The following PCNT variants were observed in gnomAD, a reference collection of about 807,000 sequenced individuals.
The protein encoded by PCNT is kendrin.
In PCNT, 319 loss-of-function variants were observed where a neutral mutation model predicts 380.4. The ratio of observed to expected loss-of-function variants is 0.84; its 90% CI spans 0.77 to 0.92. The LOEUF (loss-of-function observed/expected upper bound fraction) is 0.92. Ranked by LOEUF, PCNT falls within the 40% of genes least tolerant of loss-of-function variation. The pLI is 0.00. For synonymous variants in PCNT, 1,845 were observed against 1,735.2 expected (o/e 1.06, Z -1.57); for missense variants, 4,400 against 4,255.3 (o/e 1.03, Z -0.95).
intron 11 of PCNT, among the ~76,000 whole-genome samples, chr21:46,354,974 C>T (rs2084418943): frequency 1.3e-5 from 2 of 152,328 alleles, no homozygotes; most frequent in South Asian, 4.1e-4. Flanking sequence ...TGGGTAGCCC[C>T]ACCAGGCATT....
intron 21 of PCNT, among the ~76,000 whole-genome samples, chr21:46,392,191 C>T (rs2086056430): frequency 6.6e-6 from 1 of 151,906 alleles, no homozygotes; most frequent in South Asian, 2.1e-4. Flanking sequence ...TGCCCTTGTT[C>T]GTGTGATTCC....
chr21:46,422,311 C>G (rs965824451), intron 32 of PCNT, among the ~76,000 whole-genome samples, 187 bp downstream of exon 32: 1 of 152,200 alleles, frequency 6.6e-6, no homozygotes, highest in African/African-American at 2.4e-5. Flanking sequence ...GCCCACCCAG[C>G]CCTGCACTGG....
chr21:46,353,837 C>T, intron 10 of PCNT, 150 bp from the exon 11 acceptor site: 2 of 707,194 alleles, frequency 2.8e-6, no homozygotes, highest in Non-Finnish European at 5.1e-6. Flanking sequence ...TTTGTGACTG[C>T]CACGGCTCCC....
At chr21:46,394,312 C>T (rs1373266942) in intron 21 of PCNT, among the ~76,000 whole-genome samples, 1 of 152,194 alleles carries the variant, frequency 6.6e-6, no homozygotes, top group Non-Finnish European at 1.5e-5. Flanking sequence ...TCTTTGTCTC[C>T]TTGAAAAGTT....
intron 27 of PCNT, among the ~76,000 whole-genome samples, chr21:46,403,538 A>G (rs1470271865): frequency 8.5e-6 from 1 of 117,706 alleles, no homozygotes; most frequent in African/African-American, 3.3e-5. Flanking sequence ...CGGTGAATGA[A>G]CACAGCGTGG....
Position 46,430,241 on chromosome 21 carries a change from G to C in PCNT, c.7913+9G>C, listed in dbSNP as rs1023160. On this transcript the variant is annotated intron_variant, in intron 36 of 46. Coordinates refer to ENST00000359568, the MANE Select transcript of PCNT (RefSeq NM_006031.6). Reference sequence around the variant, plus strand: ...GAGGTCCTCCAGCTGAGGTGCGCCTGATCCCCCTTCCTGGGACACTGGCGG... The same window carrying C: ...GAGGTCCTCCAGCTGAGGTGCGCCTCATCCCCCTTCCTGGGACACTGGCGG... The C allele has an allele frequency of 0.091, 146,035 of 1,608,684 alleles. 12,242 individuals carry two copies. Among genetic ancestry groups the C allele is most frequent in the African/African-American group, 0.45 (33,608 of 74,776 alleles).
rs1555954604 is a variant in PCNT, at chr21:46,353,751, TGA to T, written c.1680-229_1680-228del. Reference sequence around the variant, plus strand: ...GTGTGTGTGTGTGTGTGTGTGTGTGTGAGAGAGACAGAGAGAGAGTCAGTGGC... The same window carrying T: ...GTGTGTGTGTGTGTGTGTGTGTGTGTGAGAGACAGAGAGAGAGTCAGTGGC... On this transcript the variant is annotated intron_variant, in intron 10 of 46. Transcript: ENST00000359568. Among the ~76,000 whole-genome samples, 7,112 of 104,348 alleles carry T rather than the reference TGA, an allele frequency of 0.068. 195 individuals carry two copies. The highest frequency in any genetic ancestry group is 0.09 in the Middle Eastern group (18 of 200). 68.5% of individuals were successfully genotyped at this position (104,348 alleles called of 152,430 possible). A position where few individuals can be genotyped will look rare whatever the true frequency, so the allele number is the denominator to read the frequency against.
rs2053725711 is a variant in PCNT at position 46,445,318 on chromosome 21, T to A, written c.10002T>A (p.Ile3334=). Residue 3334 remains isoleucine, a synonymous_variant, in exon 47 of 47, where the codon ATT becomes ATA. Transcript: ENST00000359568. ...CAAAGAAATCCTGCCACCCGATGAT[T>A]AAACAGTGAATAAAATGTCATGGCT... ...STSKKSCHPM[I]KQ 3 of 1,605,972 alleles carry A rather than the reference T, an allele frequency of 1.9e-6. No homozygotes were observed. Among genetic ancestry groups the A allele is most frequent in the Non-Finnish European group, 2.6e-6 (3 of 1,172,504 alleles).
chr21:46,411,664 A>G lies in PCNT; in HGVS notation c.5591A>G (p.Lys1864Arg). 6.2e-7 allele frequency: 1 copy of G among 1,613,014 alleles called. No individual in the cohort carries two copies. The highest frequency in any genetic ancestry group is 2.2e-5 in the East Asian group (1 of 44,874). The change falls in exon 28 of 47, where the codon AAA (lysine) becomes AGA (arginine). Residue 1864 changes from lysine to arginine, a missense_variant. Coordinates refer to ENST00000359568, the MANE Select transcript of PCNT (RefSeq NM_006031.6). Reference protein sequence around the residue: ...SRIQEFEAALKAKEATIAERN... With the variant: ...SRIQEFEAALRAKEATIAERN... ...ATCCAGGAGTTCGAAGCGGCCCTGA[A>G]AGCAAAGGAAGCGACGATTGCCGAG...
intron 14 of PCNT, among the ~76,000 whole-genome samples, chr21:46,366,205 G>A (rs2084923894): frequency 6.6e-6 from 1 of 152,218 alleles, no homozygotes; most frequent in African/African-American, 2.4e-5. Flanking sequence ...AGATTACCTT[G>A]GGATTCTTGG....
rs1187060375 is a variant in PCNT, at chr21:46,443,806, G to A, written c.9701-4G>A. 1.9e-6 allele frequency: 3 copies of A among 1,613,624 alleles called. No homozygotes were observed. Among genetic ancestry groups the A allele is most frequent in the Admixed American group, 1.7e-5 (1 of 60,000 alleles). On this transcript the variant is annotated splice_polypyrimidine_tract_variant and splice_region_variant and intron_variant, in intron 44 of 46. Transcript: ENST00000359568. ...CCCTTGGTTGTTAAATAATTCTGGG[G>A]AAGGGCCCCGAGCACGACAGCCGCA... is the stretch of plus-strand genomic sequence containing the variant.
At chr21:46,359,107 C>T (rs185128804) in intron 13 of PCNT, among the ~76,000 whole-genome samples, 1 of 152,046 alleles carries the variant, frequency 6.6e-6, no homozygotes, top group Non-Finnish European at 1.5e-5. Context: ...CGCACCCAAC[C>T]ATGCCCAGCT....
intron 24 of PCNT, among the ~76,000 whole-genome samples, 166 bp downstream of exon 24, chr21:46,398,421 A>T (rs1030648696): frequency 4.6e-5 from 7 of 152,222 alleles, no homozygotes; most frequent in Non-Finnish European, 1.0e-4. Context: ...TTATTTTTTT[A>T]AAAAATTAAT....
chr21:46,423,742 AGAGGGGAG>A (rs2087359297), intron 32 of PCNT, among the ~76,000 whole-genome samples: 1 of 1,898 alleles, frequency 5.3e-4, no homozygotes, highest in African/African-American at 3.2e-3. Context: ...GGGGAGGGGA[AGAGGGGAG>A]GAGGAGGAAG....
At position 46,434,801 on chromosome 21, in the gene PCNT, C is replaced by T. The variant is rs565281466; in HGVS notation, c.8752-1103C>T. On this transcript the variant is annotated intron_variant, in intron 38 of 46. Coordinates refer to ENST00000359568, the MANE Select transcript of PCNT (RefSeq NM_006031.6). ...TCATACGTGTGTGCATGTTCACATG[C>T]ACAAATGTGCCTGTCTGTGTCTATG... Among the ~76,000 whole-genome samples, 3 of 152,350 alleles carry T rather than the reference C, an allele frequency of 2.0e-5. No homozygotes were observed. In the South Asian group the frequency reaches 6.2e-4, roughly 32 times the overall value.
chr21:46,359,462 C>G (rs2146774095), intron 13 of PCNT, among the ~76,000 whole-genome samples: 1 of 118,802 alleles, frequency 8.4e-6, no homozygotes, highest in East Asian at 2.3e-4. Flanking sequence ...TTGTAGTATT[C>G]TGTCCAAAAA....
chr21:46,367,095 G>C lies in PCNT; in HGVS notation c.3121G>C (p.Glu1041Gln). The C allele has an allele frequency of 6.2e-7, 1 of 1,613,630 alleles. No homozygotes were observed. The highest frequency in any genetic ancestry group is 8.5e-7 in the Non-Finnish European group (1 of 1,180,030). Reference sequence around the variant, plus strand: ...CCACCTGCGAACCGAAGTGAGCACAGAGCTCGCCGGAACCGTGGCTCACGA... The same window carrying C: ...CCACCTGCGAACCGAAGTGAGCACACAGCTCGCCGGAACCGTGGCTCACGA... ...RDHLRTEVSTELAGTVAHELQ... is the reference protein window; with the variant it reads ...RDHLRTEVSTQLAGTVAHELQ... The change falls in exon 15 of 47, where the codon GAG becomes CAG. Residue 1041 changes from glutamate (E) to glutamine (Q), a missense_variant. Physicochemically the swap from Glu to Gln is conservative, Grantham distance 29. Transcript: ENST00000359568.
intron 2 of PCNT, 65 bp downstream of exon 2, chr21:46,326,654 A>T (rs2083404330): frequency 6.7e-7 from 1 of 1,501,016 alleles, no homozygotes; most frequent in Non-Finnish European, 9.3e-7. Context: ...AGTGTGATTT[A>T]CTAAAGATGG....
At chr21:46,437,109 G>A (rs759710854) in intron 40 of PCNT, 28 bp downstream of exon 40, 1 of 1,529,724 alleles carries the variant, frequency 6.5e-7, no homozygotes, top group South Asian at 1.1e-5. Context: ...CCAGGTCCCT[G>A]GCCTGGCTCC....
Sources: gnomAD v4.1 joint callset for allele counts (sites outside exome capture counted in the v4.1 genomes callset) on GRCh38, gnomAD v4.1.1 for gene constraint, MANE v1.5 for transcripts, NCBI Gene and HGNC (gene_info 2026-07-23, HGNC 2026-07-21) for gene names.